UNKL: variants seen among roughly 807,000 people sequenced by gnomAD.
UNKL encodes the protein unk like zinc finger, also known as putative E3 ubiquitin-protein ligase UNKL.
UNKL carries 60 observed loss-of-function variants against 78.0 expected under a neutral mutation model. The ratio of observed to expected loss-of-function variants is 0.77; its 90% CI spans 0.63 to 0.95. The LOEUF is 0.95. UNKL is among the 40% of genes least tolerant of loss of function. The pLI, the probability that UNKL is intolerant of heterozygous loss-of-function variation, is 0.00. For missense variants in UNKL, 1,159 were observed against 1,045.7 expected, an observed-to-expected ratio of 1.11 and a Z score of -1.49; for synonymous variants, 608 against 474.8, an observed-to-expected ratio of 1.28 and a Z score of -3.65.
rs1312418832 is a variant in UNKL, at chr16:1,367,759, C to G, written c.1685G>C (p.Ser562Thr). ...CAGCTCAGCTCCGTTTGGACTTGCA[C>G]TCGAAGAGGATGGGGGGCCGGCACT... ...ILSAGPPSSSSASPNGAELAR... is the reference protein window; with the variant it reads ...ILSAGPPSSSTASPNGAELAR... The change falls in exon 13 of 15, where the codon AGT becomes ACT. Residue 562 changes from serine to threonine, a missense_variant. Transcript: ENST00000389221. 1.5e-5 allele frequency: 24 copies of G among 1,574,486 alleles called. No individual in the cohort carries two copies. The highest frequency in any genetic ancestry group is 2.1e-5 in the Non-Finnish European group (24 of 1,160,692).
rs778670919 is a variant in UNKL, at chr16:1,367,301, G to A, written c.1837C>T (p.Arg613Cys). The change falls in exon 14 of 15, where the codon CGT becomes TGT. Residue 613 changes from arginine (R) to cysteine (C), a missense_variant. Transcript: ENST00000389221. ...AGCTGCCGGTCGCTATCGGCCACACGGGCACGCTCCTTGGCCTCCTGCGCC... is the reference window on the plus strand; with the variant it reads ...AGCTGCCGGTCGCTATCGGCCACACAGGCACGCTCCTTGGCCTCCTGCGCC... ...REAQEAKERA[R>C]VADSDRQLAL... The A allele has an allele frequency of 1.3e-5, 21 of 1,556,562 alleles. No individual in the cohort carries two copies. Among genetic ancestry groups the A allele is most frequent in the South Asian group, 1.1e-4 (9 of 84,834 alleles).
intron 10 of UNKL, among the ~76,000 whole-genome samples, chr16:1,381,032 AAC>A (rs1439285391): frequency 1.3e-5 from 2 of 152,120 alleles, no homozygotes; most frequent in African/African-American, 4.8e-5. Context: ...GACATACTAA[AAC>A]AGGTCAAAAA....
At chr16:1,401,125 G>C (rs1205743540) in intron 4 of UNKL, among the ~76,000 whole-genome samples, 1 of 152,206 alleles carries the variant, frequency 6.6e-6, no homozygotes, top group Non-Finnish European at 1.5e-5. Flanking sequence ...GGATTTGAAA[G>C]CTGCTGTCTA....
intron 1 of UNKL, among the ~76,000 whole-genome samples, 192 bp downstream of exon 1, chr16:1,414,423 A>G (rs1260404821): frequency 2.6e-5 from 4 of 151,508 alleles, no homozygotes; most frequent in African/African-American, 9.7e-5. Flanking sequence ...ACCAGGTGCC[A>G]TCCCAGACCA....
At chr16:1,414,077 C>G (rs751676521) in intron 1 of UNKL, 22 bp from the exon 2 acceptor site, 5 of 1,523,756 alleles carry the variant, frequency 3.3e-6, no homozygotes, top group Non-Finnish European at 4.4e-6. Flanking sequence ...GACAGCGCCG[C>G]GGCTCGCTTC....
intron 14 of UNKL, 144 bp downstream of exon 14, chr16:1,366,948 G>C (rs2035319065): frequency 1.4e-6 from 2 of 1,409,566 alleles, no homozygotes; most frequent in Non-Finnish European, 1.8e-6. Flanking sequence ...GCTGGGGTGG[G>C]GCACCGTCTC....
intron 8 of UNKL, among the ~76,000 whole-genome samples, chr16:1,391,188 CACACACAAT>C (rs2037032211): frequency 6.7e-6 from 1 of 149,684 alleles, no homozygotes; most frequent in African/African-American, 2.5e-5. Context: ...CACACACACA[CACACACAAT>C]ATATATGTAC....
At chr16:1,376,125 T>C (rs1413120978) in intron 10 of UNKL, among the ~76,000 whole-genome samples, 1 of 142,776 alleles carries the variant, frequency 7.0e-6, no homozygotes, top group Middle Eastern at 4.0e-3. Flanking sequence ...TGGGGCACGC[T>C]CCTCCCTCCT....
At position 1,366,143 on chromosome 16, in the gene UNKL, C is replaced by CA. The variant is rs1740487236; in HGVS notation, c.*96dup. The stretch of plus-strand genomic sequence containing the variant: ...AGGAAGGGCTCCCAGCCTCGGTCCT[C>CA]ACGTCGGTGGCACCAGAAGCGAGTG... On this transcript the variant is annotated 3_prime_UTR_variant, in exon 15 of 15. Coordinates refer to ENST00000389221, the MANE Select transcript of UNKL (RefSeq NM_001372107.1). The CA allele has an allele frequency of 2.5e-5, 34 of 1,356,296 alleles. No homozygotes were observed. In the South Asian group the frequency reaches 5.8e-4, roughly 23 times the overall value. The allele number at this position is 1,356,296 out of a possible 1,614,324, so 84.0% of individuals were successfully genotyped here.
chr16:1,414,150 A>AC lies in UNKL; in HGVS notation c.78-96dup, dbSNP rs2038173321. On this transcript the variant is annotated intron_variant, in intron 1 of 14. Transcript: ENST00000389221. Reference sequence around the variant, plus strand: ...GGACCCACCGGCCTCAGGAGCCTCAACCCAGGGTCGACCCGTACTCACATT... The same window carrying AC: ...GGACCCACCGGCCTCAGGAGCCTCAACCCCAGGGTCGACCCGTACTCACATT... The AC allele has an allele frequency of 3.2e-6, 4 of 1,266,198 alleles. No homozygotes were observed. The South Asian group carries it at 5.8e-5, about 19-fold the overall frequency. 78.4% of individuals were successfully genotyped at this position (1,266,198 alleles called of 1,614,324 possible).
intron 10 of UNKL, among the ~76,000 whole-genome samples, chr16:1,372,228 C>T (rs1459006916): frequency 1.3e-5 from 2 of 152,086 alleles, no homozygotes; most frequent in Non-Finnish European, 2.9e-5. Flanking sequence ...CGTGCCACTG[C>T]CCTCCAGCCT....
At chr16:1,394,756 C>G (rs1470949976) in intron 6 of UNKL, among the ~76,000 whole-genome samples, 1 of 152,150 alleles carries the variant, frequency 6.6e-6, no homozygotes, top group Non-Finnish European at 1.5e-5. Context: ...GCACGCCAGG[C>G]CTCCAGTGCC....
chr16:1,366,739 C>G lies in UNKL; in HGVS notation c.2047-344G>C, dbSNP rs190409200. 8.5e-5 allele frequency among the ~76,000 whole-genome samples: 13 copies of G among 152,246 alleles called. No homozygotes were observed. The East Asian group carries it at 2.5e-3, about 29-fold the overall frequency. On this transcript the variant is annotated intron_variant, in intron 14 of 14. Transcript: ENST00000389221. ...CTATAGCAGCGAGTCCAAGAGCCCA[C>G]CCTTAGCAGGCGAGGTGAGGAGGGG...
intron 6 of UNKL, chr16:1,395,838 C>G (rs1284985363): frequency 2.3e-6 from 1 of 437,430 alleles, no homozygotes; most frequent in Non-Finnish European, 4.7e-6. Context: ...AGTGTGTGGT[C>G]ACCGACACCC....
chr16:1,407,056 G>C (rs2037796407), intron 2 of UNKL, among the ~76,000 whole-genome samples: 2 of 151,920 alleles, frequency 1.3e-5, no homozygotes, highest in Admixed American at 1.3e-4. Flanking sequence ...GGTTGAGGCA[G>C]GAGAATCACT....
rs1429889566 is a variant in UNKL, at chr16:1,367,643, C to G, written c.1788+13G>C. 1 of 1,516,634 alleles carries G rather than the reference C, an allele frequency of 6.6e-7. No individual in the cohort carries two copies. Among genetic ancestry groups the G allele is most frequent in the Non-Finnish European group, 8.9e-7 (1 of 1,129,220 alleles). 93.9% of individuals were successfully genotyped at this position (1,516,634 alleles called of 1,614,324 possible). On this transcript the variant is annotated intron_variant, in intron 13 of 14. Coordinates refer to ENST00000389221, the MANE Select transcript of UNKL (RefSeq NM_001372107.1). ...CCCTCCCCCTCACCTGTCTGGCCCC[C>G]CCACACACTCACCTGCTTCACCTGC...
chr16:1,400,417 C>CAAAAAAAAAAAAAAAAAAAAAAA (rs56093103), intron 4 of UNKL, among the ~76,000 whole-genome samples: 1 of 30,800 alleles, frequency 3.2e-5, no homozygotes, highest in African/African-American at 8.9e-5. Flanking sequence ...GACTCCATCT[C>CAAAAAAAAAAAAAAAAAAAAAAA]AAAAAAAAAA....
intron 1 of UNKL, among the ~76,000 whole-genome samples, chr16:1,414,290 C>A (rs2038179800): frequency 6.6e-6 from 1 of 152,040 alleles, no homozygotes; most frequent in Admixed American, 6.6e-5. Context: ...CCACCCCGGA[C>A]CCTGGGCGAC....
In UNKL at chr16:1,370,137, G is replaced by A. The variant is rs1162742912; in HGVS notation, c.1578C>T (p.Ser526=). The A allele has an allele frequency of 1.3e-6, 2 of 1,524,766 alleles. No individual in the cohort carries two copies. Among genetic ancestry groups the A allele is most frequent in the Non-Finnish European group, 1.8e-6 (2 of 1,131,898 alleles). 94.5% of individuals were successfully genotyped at this position (1,524,766 alleles called of 1,614,324 possible). The change falls in exon 12 of 15, where the codon AGC becomes AGT. Residue 526 remains serine, a synonymous_variant. Transcript: ENST00000389221. ...GTLGSAASSY[S]PLGLNGVPGS... ...GAGGGAGCCGGCACTCACCTAGGGG[G>A]CTGTAGGATGAGGCTGCAGAGCCCA...
Sources: gnomAD v4.1 joint callset for allele counts (sites outside exome capture counted in the v4.1 genomes callset) on GRCh38, gnomAD v4.1.1 for gene constraint, MANE v1.5 for transcripts, NCBI Gene and HGNC (gene_info 2026-07-23, HGNC 2026-07-21) for gene names.